SLFN12L: variants seen among roughly 807,000 people sequenced by gnomAD.
SLFN12L encodes schlafen family member 12-like.
Under a neutral mutation model 34.8 loss-of-function variants are expected in SLFN12L, and 34 were observed. The ratio of observed to expected loss-of-function variants is 0.98; its 90% CI spans 0.74 to 1.30. The LOEUF (loss-of-function observed/expected upper bound fraction) is 1.30, where lower values mean the gene tolerates loss of function less well. SLFN12L is among the 50% of genes most tolerant of loss of function. The pLI, the probability that SLFN12L is intolerant of heterozygous loss-of-function variation, is 0.00. For synonymous variants in SLFN12L, 259 were observed against 247.5 expected (o/e 1.05, Z -0.44); for missense variants, 703 against 696.2 (o/e 1.01, Z -0.11).
chr17:35,475,139 G>T lies in SLFN12L; in HGVS notation c.1623C>A (p.Phe541Leu). 1 of 1,614,218 alleles carries T rather than the reference G, an allele frequency of 6.2e-7. No individual in the cohort carries two copies. Among genetic ancestry groups the T allele is most frequent in the Middle Eastern group, 1.6e-4 (1 of 6,062 alleles). ...TTGTCTTGCCTTCAGGGCTCAAGTA[G>T]AAGATCTTTGTCATGACACACACTT... ...TKKVCVMTKI[F>L]YLSPEGKTSC... The change falls in exon 5 of 5, where the codon TTC becomes TTA. Residue 541 changes from phenylalanine to leucine, a missense_variant. Transcript: ENST00000628453.
At chr17:35,508,370 G>A (rs983825995) in intron 2 of SLFN12L, among the ~76,000 whole-genome samples, 38 of 152,080 alleles carry the variant, frequency 2.5e-4, no homozygotes, top group African/African-American at 8.0e-4. Context: ...GCTACAAGAC[G>A]GTGTCTCACT....
At chr17:35,498,920 C>G (rs962150662) in intron 2 of SLFN12L, 5 of 715,520 alleles carry the variant, frequency 7.0e-6, no homozygotes, top group Non-Finnish European at 1.3e-5. Context: ...TTCTGCAGAA[C>G]GATGCTGCCC....
intron 2 of SLFN12L, among the ~76,000 whole-genome samples, chr17:35,484,863 C>T (rs1266124583): frequency 6.6e-6 from 1 of 152,130 alleles, no homozygotes; most frequent in African/African-American, 2.4e-5. Context: ...TCATCTGGTC[C>T]ATGGCCTTTC....
chr17:35,530,412 A>G (rs866434244), intron 1 of SLFN12L, among the ~76,000 whole-genome samples: 525 of 11,260 alleles, frequency 0.047, 66 homozygotes, highest in African/African-American at 0.11. Flanking sequence ...GAAGGAAGGA[A>G]GGAAGGAAGG....
chr17:35,475,925 T>A (rs560778071), intron 4 of SLFN12L, among the ~76,000 whole-genome samples: 223 of 134,342 alleles, frequency 1.7e-3, no homozygotes, highest in Non-Finnish European at 2.3e-3. Context: ...ATATATATAT[T>A]TTTTTAAATT....
Position 35,530,438 on chromosome 17 carries a change from AGG to A in SLFN12L, c.-606+7133_-606+7134del, listed in dbSNP as rs1391713204. 1.4e-3 allele frequency among the ~76,000 whole-genome samples: 14 copies of A among 9,980 alleles called. 2 individuals are homozygous for A. Among genetic ancestry groups the A allele is most frequent in the African/African-American group, 3.0e-3 (14 of 4,656 alleles). The allele number at this position is 9,980 out of a possible 152,430, so 6.5% of individuals were successfully genotyped here. On this transcript the variant is annotated intron_variant, in intron 1 of 4. Transcript: ENST00000628453. ...GGAAGGAAGGAAGGAAGGGAAGGGA[AGG>A]GAAGAAAGAAAGAAAGAAAGAAAGA...
chr17:35,498,413 GC>G, intron 2 of SLFN12L: 1 of 1,289,844 alleles, frequency 7.8e-7, no homozygotes, highest in Non-Finnish European at 1.1e-6. Context: ...GCCAGGCAGA[GC>G]CCCAGCAATA....
At chr17:35,515,104 A>C in intron 2 of SLFN12L, 2 of 629,872 alleles carry the variant, frequency 3.2e-6, no homozygotes, top group South Asian at 2.7e-5. Context: ...GGGTCACTTC[A>C]GTCTTTTGCG....
intron 2 of SLFN12L, among the ~76,000 whole-genome samples, chr17:35,495,900 AACACAC>A (rs58553128): frequency 0.19 from 26,672 of 137,814 alleles, 2,593 homozygotes; most frequent in African/African-American, 0.22. Context: ...GCCGATTTGA[AACACAC>A]ACACACACAC....
At chr17:35,515,282 C>G in intron 2 of SLFN12L, 1 of 385,324 alleles carries the variant, frequency 2.6e-6, no homozygotes, top group Non-Finnish European at 4.9e-6. Context: ...TCAGACCCGA[C>G]GCCGGCGGGA....
chr17:35,465,249 A>G lies in SLFN12L; in HGVS notation c.*9674T>C, dbSNP rs1913704701. ...CCAATTGAGAAACCTCGTGGACTTA[A>G]TAAATACTCAAATTATACTTATGCC... On this transcript the variant is annotated 3_prime_UTR_variant, in exon 5 of 5. Transcript: ENST00000628453. 6.6e-6 allele frequency among the ~76,000 whole-genome samples: 1 copy of G among 152,208 alleles called. No individual in the cohort carries two copies. The highest frequency in any genetic ancestry group is 1.5e-5 in the Non-Finnish European group (1 of 68,026).
At chr17:35,536,572 G>T (rs997508978) in intron 1 of SLFN12L, among the ~76,000 whole-genome samples, 1 of 152,144 alleles carries the variant, frequency 6.6e-6, no homozygotes, top group Non-Finnish European at 1.5e-5. Flanking sequence ...AGCACTTTGG[G>T]AGGCTAAGGT....
At chr17:35,475,541 A>G in intron 4 of SLFN12L, 56 bp from the exon 5 acceptor site, 1 of 1,483,152 alleles carries the variant, frequency 6.7e-7, no homozygotes, top group Non-Finnish European at 8.9e-7. Context: ...AACTTAAGCC[A>G]TGGATACAAA....
At chr17:35,515,300 T>A (rs541600961) in intron 2 of SLFN12L, 1 of 378,190 alleles carries the variant, frequency 2.6e-6, no homozygotes, top group Non-Finnish European at 5.0e-6. Flanking sequence ...GGACAGGCAC[T>A]TGGAAAGCAA....
At chr17:35,481,762 G>A (rs9906497) in intron 2 of SLFN12L, among the ~76,000 whole-genome samples, 2,445 of 152,182 alleles carry the variant, frequency 0.016, 59 homozygotes, top group African/African-American at 0.052. Context: ...ACAATCTCTC[G>A]TCTCCGCACA....
chr17:35,501,621 T>C (rs1216905798), intron 2 of SLFN12L, among the ~76,000 whole-genome samples: 1 of 152,158 alleles, frequency 6.6e-6, no homozygotes, highest in Admixed American at 6.5e-5. Context: ...CAAGGAAGCA[T>C]GGGTCAGGCA....
rs1386554250 is a variant in SLFN12L, at chr17:35,466,779, T to G, written c.*8144A>C. The stretch of plus-strand genomic sequence containing the variant: ...AAGAGACTTTAACAAGCTCTACTCA[T>G]GCCTCCTAAAGTCTAGACCACCTGT... On this transcript the variant is annotated 3_prime_UTR_variant, in exon 5 of 5. Transcript: ENST00000628453. Among the ~76,000 whole-genome samples the G allele has an allele frequency of 6.6e-6, 1 of 152,214 alleles. No homozygotes were observed. Among genetic ancestry groups the G allele is most frequent in the Non-Finnish European group, 1.5e-5 (1 of 68,034 alleles).
At chr17:35,489,140 A>G (rs1914731460) in intron 2 of SLFN12L, among the ~76,000 whole-genome samples, 1 of 152,184 alleles carries the variant, frequency 6.6e-6, no homozygotes, top group African/African-American at 2.4e-5. Context: ...GCCAGCTCTA[A>G]GGAAACAGCT....
intron 2 of SLFN12L, chr17:35,499,099 A>G: frequency 1.2e-6 from 1 of 836,718 alleles, no homozygotes; most frequent in Non-Finnish European, 2.0e-6. Context: ...TGGAGCTTAC[A>G]ATCCAGGAAG....
Sources: allele counts gnomAD v4.1 joint callset (sites outside exome capture counted in the v4.1 genomes callset), GRCh38; gene constraint gnomAD v4.1.1; transcripts MANE v1.5; gene names NCBI Gene and HGNC (gene_info 2026-07-23, HGNC 2026-07-21).